The following APBB2 variants were observed in gnomAD, a reference collection of about 807,000 sequenced individuals.
APBB2 encodes the protein Fe65-like 1.
Under a neutral mutation model 82.5 loss-of-function variants are expected in APBB2, and 38 were observed. The ratio of observed to expected loss-of-function variants is 0.46; its 90% confidence interval spans 0.36 to 0.60. The LOEUF (loss-of-function observed/expected upper bound fraction) is 0.60. Among genes scored for constraint, APBB2 ranks in the 20% least tolerant of loss-of-function variants. The pLI is 0.00. For synonymous variants in APBB2, 341 were observed against 368.2 expected, an observed-to-expected ratio of 0.93 and a Z score of 0.85; for missense variants, 772 against 972.3, an observed-to-expected ratio of 0.79 and a Z score of 2.74.
At chr4:41,131,867 C>T (rs182844774) in intron 2 of APBB2, among the ~76,000 whole-genome samples, 36 of 152,088 alleles carry the variant, frequency 2.4e-4, no homozygotes, top group African/African-American at 8.2e-4. Flanking sequence ...TGGCAAAACC[C>T]TGTCTCTACT....
chr4:40,876,575 C>T (rs1238466349), intron 12 of APBB2, among the ~76,000 whole-genome samples: 4 of 152,278 alleles, frequency 2.6e-5, no homozygotes, highest in African/African-American at 9.6e-5. Context: ...GGACCCCCAA[C>T]GATGCTCAAG....
intron 1 of APBB2, among the ~76,000 whole-genome samples, chr4:41,150,659 A>T (rs1762028840): frequency 6.6e-6 from 1 of 152,208 alleles, no homozygotes; most frequent in Admixed American, 6.5e-5. Flanking sequence ...TATCATACAT[A>T]GCAGGCTGAT....
In APBB2 at chr4:41,014,166, T is replaced by G. The variant is rs945782202; in HGVS notation, c.252A>C (p.Pro84=). ...CATTTCCCAGCAGGGGCTGTGCAGC[T>G]GGATCCGAGAGGCCCATGGCCGCCT... ...NIQAAMGLSD[P]AAQPLLGNGS... is the part of the protein sequence containing the mutation. The change falls in exon 6 of 18, where the codon CCA becomes CCC. Residue 84 remains proline, a synonymous_variant. Transcript: ENST00000508593. The G allele has an allele frequency of 6.2e-7, 1 of 1,614,250 alleles. No individual in the cohort carries two copies. Among genetic ancestry groups the G allele is most frequent in the Non-Finnish European group, 8.5e-7 (1 of 1,180,052 alleles).
rs560527806 is a variant in APBB2 at position 41,192,911 on chromosome 4, C to A, written c.-417+21494G>T. 8.0e-4 allele frequency among the ~76,000 whole-genome samples: 122 copies of A among 152,162 alleles called. No individual in the cohort carries two copies. The South Asian group carries it at 0.015, about 19-fold the overall frequency. ...CTTATAAATGATTTTTTTAAATAAT[C>A]TTTTTTATAAAAAGAAGAGGGTTCT... is the stretch of plus-strand genomic sequence containing the variant. On this transcript the variant is annotated intron_variant, in intron 1 of 17. Coordinates refer to ENST00000508593, the MANE Select transcript of APBB2 (RefSeq NM_004307.2).
intron 1 of APBB2, among the ~76,000 whole-genome samples, chr4:41,209,870 G>A (rs948043011): frequency 1.3e-5 from 2 of 152,160 alleles, no homozygotes; most frequent in Admixed American, 1.3e-4. Context: ...ACCAGACAGG[G>A]AAACACAAAA....
At chr4:40,924,002 G>T (rs1227742409) in intron 10 of APBB2, among the ~76,000 whole-genome samples, 1 of 152,232 alleles carries the variant, frequency 6.6e-6, no homozygotes, top group Non-Finnish European at 1.5e-5. Context: ...CAAGGCCAAT[G>T]GCAGTGAGTG....
chr4:40,959,903 C>T lies in APBB2; in HGVS notation c.836-14830G>A, dbSNP rs554229480. Among the ~76,000 whole-genome samples, 4 of 152,250 alleles carry T rather than the reference C, an allele frequency of 2.6e-5. No homozygotes were observed. In the East Asian group the frequency reaches 7.7e-4, roughly 29 times the overall value. ...ACAGATGCAGAGCAGATATTATTCCCATTTTACTAAAGAAACAGATTTCAG... is the reference window on the plus strand; with the variant it reads ...ACAGATGCAGAGCAGATATTATTCCTATTTTACTAAAGAAACAGATTTCAG... On this transcript the variant is annotated intron_variant, in intron 6 of 17. Transcript: ENST00000508593.
intron 1 of APBB2, among the ~76,000 whole-genome samples, chr4:41,197,310 G>C: frequency 4.6e-5 from 7 of 152,094 alleles, no homozygotes; most frequent in African/African-American, 1.4e-4. Flanking sequence ...AAGCCCACAG[G>C]AATCACTGAA....
Position 40,899,531 on chromosome 4 carries a change from G to A in APBB2, c.1255-6120C>T, listed in dbSNP as rs530067174. 5.3e-4 allele frequency among the ~76,000 whole-genome samples: 80 copies of A among 152,218 alleles called. No homozygotes were observed. The East Asian group carries it at 5.8e-3, about 11-fold the overall frequency. On this transcript the variant is annotated intron_variant, in intron 10 of 17. Coordinates refer to ENST00000508593, the MANE Select transcript of APBB2 (RefSeq NM_004307.2). ...TCTATGACCAGATGGTCTTGGGTTCGAATTATATTCCAATCAGTGGATGCT... is the reference window on the plus strand; with the variant it reads ...TCTATGACCAGATGGTCTTGGGTTCAAATTATATTCCAATCAGTGGATGCT...
chr4:41,172,404 C>T (rs1413538896), intron 1 of APBB2, among the ~76,000 whole-genome samples: 1 of 152,122 alleles, frequency 6.6e-6, no homozygotes, highest in African/African-American at 2.4e-5. Flanking sequence ...TTAAATATCA[C>T]TTAGCTGGAA....
chr4:40,876,915 A>T (rs1767061946), intron 12 of APBB2, among the ~76,000 whole-genome samples: 1 of 152,178 alleles, frequency 6.6e-6, no homozygotes, highest in South Asian at 2.1e-4. Flanking sequence ...GGATATTTGA[A>T]TCATTACCCA....
chr4:40,943,771 C>T (rs577739270), intron 7 of APBB2, among the ~76,000 whole-genome samples: 3 of 152,324 alleles, frequency 2.0e-5, no homozygotes, highest in East Asian at 3.9e-4. Flanking sequence ...CTGATGACCA[C>T]GGCATGGCAC....
At chr4:40,914,754 A>T (rs1331710171) in intron 10 of APBB2, among the ~76,000 whole-genome samples, 1 of 152,130 alleles carries the variant, frequency 6.6e-6, no homozygotes, top group Admixed American at 6.5e-5. Flanking sequence ...ATAGAATTCA[A>T]TTGCCGCAAA....
At chr4:40,846,957 C>A (rs558860673) in intron 12 of APBB2, among the ~76,000 whole-genome samples, 52 of 151,714 alleles carry the variant, frequency 3.4e-4, no homozygotes, top group African/African-American at 1.2e-3. Context: ...AACAAAAAAC[C>A]AAATGCAAAA....
At position 41,086,845 on chromosome 4, in the gene APBB2, A is replaced by G. The variant is rs779008878; in HGVS notation, c.-149+13794T>C. 6.6e-5 allele frequency among the ~76,000 whole-genome samples: 10 copies of G among 152,276 alleles called. No homozygotes were observed. The South Asian group carries it at 1.2e-3, about 19-fold the overall frequency. ...ACTTGGCTAAAAAAAAAATTCACCT[A>G]AATTGGAAAGGAAACAGTAAAATTA... On this transcript the variant is annotated intron_variant, in intron 3 of 17. Coordinates refer to ENST00000508593, the MANE Select transcript of APBB2 (RefSeq NM_004307.2).
At chr4:40,893,496 A>C in intron 10 of APBB2, 85 bp from the exon 11 acceptor site, 1 of 1,316,514 alleles carries the variant, frequency 7.6e-7, no homozygotes, top group South Asian at 1.6e-5. Flanking sequence ...CCGCAACTAA[A>C]AGGTACTACA....
chr4:41,010,688 C>T (rs1049576161), intron 6 of APBB2, among the ~76,000 whole-genome samples: 2 of 152,064 alleles, frequency 1.3e-5, no homozygotes, highest in African/African-American at 2.4e-5. Context: ...CTAAATAAAT[C>T]GTGGAACTTG....
intron 1 of APBB2, among the ~76,000 whole-genome samples, chr4:41,200,263 T>C (rs2154075783): frequency 6.6e-6 from 1 of 152,304 alleles, no homozygotes; most frequent in African/African-American, 2.4e-5. Flanking sequence ...ATTCTTATCA[T>C]AAAATTCAAT....
intron 1 of APBB2, among the ~76,000 whole-genome samples, chr4:41,170,233 A>AT (rs1176014178): frequency 1.3e-5 from 2 of 152,278 alleles, no homozygotes; most frequent in Admixed American, 1.3e-4. Context: ...TTTTATGATG[A>AT]TTTTTAAAAT....
Sources: allele counts gnomAD v4.1 joint callset (sites outside exome capture counted in the v4.1 genomes callset), GRCh38; gene constraint gnomAD v4.1.1; transcripts MANE v1.5; gene names NCBI Gene and HGNC (gene_info 2026-07-23, HGNC 2026-07-21).